GGA2: variants seen among roughly 807,000 people sequenced by gnomAD.
GGA2 encodes the protein golgi associated, gamma adaptin ear containing, ARF binding protein 2.
Under a neutral mutation model 79.5 loss-of-function variants are expected in GGA2, and 48 were observed. That is an observed-to-expected ratio of 0.60 (90% CI 0.48 to 0.77). The LOEUF (loss-of-function observed/expected upper bound fraction) is 0.77. GGA2 is among the 30% of genes least tolerant of loss of function. GGA2 has a pLI of 0.00. For missense variants in GGA2, 770 were observed against 774.0 expected (o/e 0.99, Z 0.06); for synonymous variants, 317 against 302.0 (o/e 1.05, Z -0.51).
intron 1 of GGA2, among the ~76,000 whole-genome samples, chr16:23,507,285 C>T (rs947367314): frequency 1.3e-5 from 2 of 152,172 alleles, no homozygotes; most frequent in African/African-American, 4.8e-5. Context: ...TGGGACACTG[C>T]CCCCAAAAGC....
chr16:23,501,021 AG>A (rs1313790349), intron 1 of GGA2: 18 of 341,412 alleles, frequency 5.3e-5, no homozygotes, highest in Non-Finnish European at 1.0e-4. Context: ...CACATTAGAA[AG>A]TGTGACTTGG....
At chr16:23,486,561 G>A (rs1964715540) in intron 7 of GGA2, 149 bp downstream of exon 7, 1 of 709,984 alleles carries the variant, frequency 1.4e-6, no homozygotes, top group South Asian at 1.6e-5. Context: ...CCTTGAGGGA[G>A]ACTATGGCTG....
intron 15 of GGA2, chr16:23,469,495 G>C (rs900294705): frequency 6.2e-6 from 1 of 160,292 alleles, no homozygotes; most frequent in Non-Finnish European, 1.4e-5. Flanking sequence ...CTGTTAATCA[G>C]TAGGGCCCCA....
chr16:23,512,559 A>G (rs1965079152), upstream of GGA2, among the ~76,000 whole-genome samples: 1 of 28,724 alleles, frequency 3.5e-5, no homozygotes, highest in Non-Finnish European at 6.1e-5. Flanking sequence ...CTGTTCTGGG[A>G]ACACACAGAC....
rs1964438765 is a variant in GGA2 at position 23,466,481 on chromosome 16, T to A, written c.*1109A>T. ...TCTCTGAGGCAGCTAAGCTTCTACA[T>A]CCTTCATGAAGTTTCCTTTACTTCT... On this transcript the variant is annotated 3_prime_UTR_variant, in exon 17 of 17. Transcript: ENST00000309859. The A allele has an allele frequency of 6.6e-6, 1 of 152,246 alleles. No individual in the cohort carries two copies. The highest frequency in any genetic ancestry group is 6.5e-5 in the Admixed American group (1 of 15,282). 9.4% of individuals were successfully genotyped at this position (152,246 alleles called of 1,614,324 possible).
chr16:23,486,965 A>G (rs1022603112), intron 6 of GGA2, among the ~76,000 whole-genome samples, 175 bp from the exon 7 acceptor site: 11 of 141,588 alleles, frequency 7.8e-5, no homozygotes, highest in African/African-American at 2.9e-4. Flanking sequence ...CCAATACACC[A>G]CTGGTTTTCT....
intron 7 of GGA2, 28 bp from the exon 8 acceptor site, chr16:23,486,180 T>C: frequency 6.2e-7 from 1 of 1,610,586 alleles, no homozygotes; most frequent in Non-Finnish European, 8.5e-7. Flanking sequence ...AGGATGGGAG[T>C]GAGGGAGCAG....
rs780614513 is a variant in GGA2, at chr16:23,491,645, G to C, written c.475+32C>G. The C allele has an allele frequency of 6.9e-6, 11 of 1,603,862 alleles. No individual in the cohort carries two copies. The African/African-American group carries it at 1.5e-4, about 22-fold the overall frequency. On this transcript the variant is annotated intron_variant, in intron 5 of 16. Transcript: ENST00000309859. ...AGCAAGAAGATACAGGCCTAGTCAA[G>C]AGGAAATAAGACACAGTAAGGCAAG...
intron 1 of GGA2, among the ~76,000 whole-genome samples, chr16:23,507,195 C>A (rs1262698838): frequency 6.6e-6 from 1 of 152,148 alleles, no homozygotes; most frequent in African/African-American, 2.4e-5. Context: ...AAGTAGGCAC[C>A]AACTTCTGAA....
chr16:23,483,343 C>T (rs147402080), intron 8 of GGA2, among the ~76,000 whole-genome samples: 189 of 152,218 alleles, frequency 1.2e-3, no homozygotes, highest in African/African-American at 4.2e-3. Flanking sequence ...CCTGTCTCTA[C>T]TAAAAATACA....
At chr16:23,521,754 C>G (rs1263996895) in intron 1 of GGA2, 1 of 455,882 alleles carries the variant, frequency 2.2e-6, no homozygotes, top group Non-Finnish European at 4.4e-6. Context: ...CCAGAATCGA[C>G]TTAGTATTTT....
chr16:23,483,386 C>T (rs932669852), intron 8 of GGA2, among the ~76,000 whole-genome samples: 11 of 152,178 alleles, frequency 7.2e-5, no homozygotes, highest in South Asian at 2.1e-4. Context: ...CCCAGCTACT[C>T]GGGAGGCTTT....
chr16:23,522,049 A>C (rs1965148503), upstream of GGA2: 2 of 327,108 alleles, frequency 6.1e-6, no homozygotes, highest in Non-Finnish European at 1.2e-5. Context: ...GAGATGATGG[A>C]CTAAGGCATT....
At chr16:23,481,960 C>CT (rs1434848913) in intron 9 of GGA2, among the ~76,000 whole-genome samples, 2 of 151,672 alleles carry the variant, frequency 1.3e-5, no homozygotes, top group African/African-American at 4.8e-5. Context: ...CTGACTGAAT[C>CT]TTTGATTATT....
chr16:23,474,208 G>C (rs1964548700), intron 14 of GGA2, among the ~76,000 whole-genome samples: 1 of 152,118 alleles, frequency 6.6e-6, no homozygotes, highest in Non-Finnish European at 1.5e-5. Flanking sequence ...GTCATTTCAG[G>C]CCACATTAAA....
At chr16:23,473,803 TAC>T (rs1233614732) in intron 14 of GGA2, among the ~76,000 whole-genome samples, 4 of 152,246 alleles carry the variant, frequency 2.6e-5, no homozygotes, top group African/African-American at 4.8e-5. Context: ...GTAACTACAA[TAC>T]AGTTATTGAA....
chr16:23,503,304 G>A (rs1183309966), intron 1 of GGA2, among the ~76,000 whole-genome samples: 3 of 152,162 alleles, frequency 2.0e-5, no homozygotes, highest in South Asian at 2.1e-4. Context: ...GATGAAACAT[G>A]TTAAAACATT....
At position 23,465,922 on chromosome 16, in the gene GGA2, CAG is replaced by C. The variant is rs1286371225; in HGVS notation, c.*1666_*1667del. The C allele has an allele frequency of 1.3e-5, 2 of 153,154 alleles. No homozygotes were observed. Among genetic ancestry groups the C allele is most frequent in the Non-Finnish European group, 2.9e-5 (2 of 68,720 alleles). The allele number at this position is 153,154 out of a possible 1,614,324, so 9.5% of individuals were successfully genotyped here. A position where few individuals can be genotyped will look rare whatever the true frequency, so the allele number is the denominator to read the frequency against. On this transcript the variant is annotated 3_prime_UTR_variant, in exon 17 of 17. Transcript: ENST00000309859. Reference sequence around the variant, plus strand: ...TACCACCGCACTCCAGCCTGAGTGACAGAGTGAGATATGGCCTCAAAAAACAA... The same window carrying C: ...TACCACCGCACTCCAGCCTGAGTGACAGTGAGATATGGCCTCAAAAAACAA...
intron 13 of GGA2, among the ~76,000 whole-genome samples, chr16:23,475,367 TTTA>T (rs925103819): frequency 5.9e-5 from 9 of 151,808 alleles, no homozygotes; most frequent in African/African-American, 2.2e-4. Context: ...TTTTTGTATT[TTTA>T]TTAGAGACAG....
Sources: allele counts gnomAD v4.1 joint callset (sites outside exome capture counted in the v4.1 genomes callset), GRCh38; gene constraint gnomAD v4.1.1; transcripts MANE v1.5; gene names NCBI Gene and HGNC (gene_info 2026-07-23, HGNC 2026-07-21).